VWC2L: variants seen among roughly 807,000 people sequenced by gnomAD.
VWC2L encodes von Willebrand factor C domain-containing protein 2-like.
A neutral mutation model predicts 21.6 loss-of-function variants in VWC2L; 10 were observed. The ratio of observed to expected loss-of-function variants is 0.46; its 90% CI spans 0.29 to 0.78. VWC2L has a LOEUF of 0.78. Ranked by LOEUF, VWC2L falls within the 30% of genes least tolerant of loss-of-function variation. VWC2L has a pLI of 0.10. For synonymous variants in VWC2L, 96 were observed against 94.3 expected, an observed-to-expected ratio of 1.02 and a Z score of -0.10; for missense variants, 209 against 277.1, an observed-to-expected ratio of 0.75 and a Z score of 1.74.
intron 3 of VWC2L, among the ~76,000 whole-genome samples, chr2:214,452,471 T>A (rs1702973944): frequency 6.6e-6 from 1 of 152,216 alleles, no homozygotes; most frequent in East Asian, 1.9e-4. Context: ...CTTGATCACA[T>A]AGCTACACCA....
chr2:214,439,689 C>T (rs1702735658), intron 3 of VWC2L, among the ~76,000 whole-genome samples: 1 of 151,744 alleles, frequency 6.6e-6, no homozygotes. Context: ...AGTTATAAAA[C>T]TTTTAAAATA....
intron 2 of VWC2L, among the ~76,000 whole-genome samples, chr2:214,419,591 C>G (rs891105823): frequency 6.6e-6 from 1 of 152,144 alleles, no homozygotes; most frequent in Non-Finnish European, 1.5e-5. Flanking sequence ...TTTCTGCAGC[C>G]AATTCCCAGT....
chr2:214,557,964 T>C (rs1689900437), intron 3 of VWC2L, among the ~76,000 whole-genome samples: 1 of 152,220 alleles, frequency 6.6e-6, no homozygotes, highest in African/African-American at 2.4e-5. Flanking sequence ...ACTCTTTTTA[T>C]TTCTGCAGCT....
intron 3 of VWC2L, among the ~76,000 whole-genome samples, chr2:214,442,285 G>T (rs531377281): frequency 1.3e-5 from 2 of 152,142 alleles, no homozygotes; most frequent in African/African-American, 4.8e-5. Flanking sequence ...ATAATAGAAT[G>T]TTAATAATGA....
Position 214,436,640 on chromosome 2 carries a change from T to C in VWC2L, c.402T>C (p.Cys134=). 6.2e-7 allele frequency: 1 copy of C among 1,613,250 alleles called. No individual in the cohort carries two copies. The highest frequency in any genetic ancestry group is 8.5e-7 in the Non-Finnish European group (1 of 1,179,360). The change falls in exon 3 of 4, where the codon TGT becomes TGC. Residue 134 remains cysteine, a synonymous_variant. Coordinates refer to ENST00000312504, the MANE Select transcript of VWC2L (RefSeq NM_001080500.4). ...AGATTTGTTCCTAGCCCTCTCCATG[T>C]GAATGGTGTCGCTGTGAGCCCAGCA... ...KILEEFKPSP[C]EWCRCEPSNE...
At chr2:214,445,813 T>TA (rs896276016) in intron 3 of VWC2L, among the ~76,000 whole-genome samples, 4 of 151,732 alleles carry the variant, frequency 2.6e-5, no homozygotes, top group Non-Finnish European at 4.4e-5. Flanking sequence ...TTTCTTTTAC[T>TA]AAAAAAAACA....
chr2:214,478,468 CA>C (rs778016834), intron 3 of VWC2L, among the ~76,000 whole-genome samples: 253 of 115,912 alleles, frequency 2.2e-3, no homozygotes, highest in African/African-American at 5.8e-3. Flanking sequence ...AACTCCATCT[CA>C]AAAAAAAAAA....
At chr2:214,500,215 A>G (rs1688872447) in intron 3 of VWC2L, among the ~76,000 whole-genome samples, 1 of 152,236 alleles carries the variant, frequency 6.6e-6, no homozygotes, top group Non-Finnish European at 1.5e-5. Flanking sequence ...AATAGCATAA[A>G]CTACATACTA....
intron 3 of VWC2L, among the ~76,000 whole-genome samples, chr2:214,543,891 C>A (rs1484060882): frequency 6.6e-6 from 1 of 152,132 alleles, no homozygotes; most frequent in African/African-American, 2.4e-5. Context: ...AAACCTAAAG[C>A]CTTTATGATG....
intron 3 of VWC2L, among the ~76,000 whole-genome samples, chr2:214,482,615 A>AG (rs1688622684): frequency 6.7e-6 from 1 of 149,992 alleles, no homozygotes; most frequent in African/African-American, 2.4e-5. Flanking sequence ...TTGAAGAGAG[A>AG]GAAAAAAATT....
chr2:214,436,637 A>C lies in VWC2L; in HGVS notation c.399A>C (p.Pro133=). Residue 133 remains proline, a synonymous_variant, in exon 3 of 4, where the codon CCA becomes CCC. Transcript: ENST00000312504. ...TTTAGATTTGTTCCTAGCCCTCTCC[A>C]TGTGAATGGTGTCGCTGTGAGCCCA... ...YKILEEFKPS[P]CEWCRCEPSN... The C allele has an allele frequency of 6.2e-7, 1 of 1,613,228 alleles. No homozygotes were observed. Among genetic ancestry groups the C allele is most frequent in the Non-Finnish European group, 8.5e-7 (1 of 1,179,354 alleles).
chr2:214,436,512 G>T (rs1305540405), intron 2 of VWC2L, 117 bp from the exon 3 acceptor site: 5 of 1,289,072 alleles, frequency 3.9e-6, no homozygotes, highest in Non-Finnish European at 5.3e-6. Context: ...CATGGTAAAT[G>T]GAATTAATAC....
chr2:214,454,112 G>T (rs955250222), intron 3 of VWC2L, among the ~76,000 whole-genome samples: 5 of 151,746 alleles, frequency 3.3e-5, no homozygotes, highest in African/African-American at 1.2e-4. Context: ...TTTATATATT[G>T]CTCTTGGGTT....
At chr2:214,550,922 G>A (rs1012991854) in intron 3 of VWC2L, among the ~76,000 whole-genome samples, 3 of 152,082 alleles carry the variant, frequency 2.0e-5, no homozygotes, top group Non-Finnish European at 4.4e-5. Flanking sequence ...AAGGCCTTTT[G>A]TAATCTTCAC....
chr2:214,493,284 T>C (rs1688769375), intron 3 of VWC2L, among the ~76,000 whole-genome samples: 1 of 152,230 alleles, frequency 6.6e-6, no homozygotes, highest in Non-Finnish European at 1.5e-5. Context: ...ATGAGTATTA[T>C]TTCTATTAAC....
intron 3 of VWC2L, among the ~76,000 whole-genome samples, chr2:214,506,868 A>G (rs1293354796): frequency 6.6e-6 from 1 of 152,078 alleles, no homozygotes; most frequent in Non-Finnish European, 1.5e-5. Context: ...TACATTATCC[A>G]AATTTTTAAA....
chr2:214,455,984 G>C (rs1001232922), intron 3 of VWC2L, among the ~76,000 whole-genome samples: 1 of 152,138 alleles, frequency 6.6e-6, no homozygotes, highest in Non-Finnish European at 1.5e-5. Context: ...ATTGTGAATA[G>C]TGCTACAGTA....
chr2:214,467,319 A>G (rs1703231587), intron 3 of VWC2L, among the ~76,000 whole-genome samples: 1 of 152,158 alleles, frequency 6.6e-6, no homozygotes, highest in South Asian at 2.1e-4. Context: ...CTTGAGGGGA[A>G]CCATCTCCAG....
chr2:214,536,205 A>G (rs1025871790), intron 3 of VWC2L, among the ~76,000 whole-genome samples: 3 of 152,096 alleles, frequency 2.0e-5, no homozygotes, highest in Non-Finnish European at 4.4e-5. Flanking sequence ...TTTTTCTTTC[A>G]TCAAACACAC....
Sources: allele counts gnomAD v4.1 joint callset (sites outside exome capture counted in the v4.1 genomes callset), GRCh38; gene constraint gnomAD v4.1.1; transcripts MANE v1.5; gene names NCBI Gene and HGNC (gene_info 2026-07-23, HGNC 2026-07-21).